NCEH1: variants seen among roughly 807,000 people sequenced by gnomAD.
NCEH1 encodes the protein 2-acetyl MAGE hydrolase.
Under a neutral mutation model 25.4 loss-of-function variants are expected in NCEH1, and 9 were observed. That is an observed-to-expected ratio of 0.35 (90% CI 0.21 to 0.62). The LOEUF (loss-of-function observed/expected upper bound fraction) is 0.62, where lower values mean the gene tolerates loss of function less well. Ranked by LOEUF, NCEH1 falls within the 20% of genes least tolerant of loss-of-function variation. The probability of loss-of-function intolerance (pLI) is 0.72; values close to 1 mark genes in which losing one functional copy is unlikely to be tolerated. For synonymous variants in NCEH1, 200 were observed against 199.8 expected, an observed-to-expected ratio of 1.00 and a Z score of -0.01; for missense variants, 412 against 501.1, an observed-to-expected ratio of 0.82 and a Z score of 1.70.
At chr3:172,643,241 T>C (rs910550470) in intron 3 of NCEH1, among the ~76,000 whole-genome samples, 1 of 152,048 alleles carries the variant, frequency 6.6e-6, no homozygotes, top group East Asian at 1.9e-4. Context: ...CGCCTGGCCT[T>C]TGCTTTGTTT....
chr3:172,677,614 C>A (rs947914342), intron 1 of NCEH1, among the ~76,000 whole-genome samples: 3 of 151,662 alleles, frequency 2.0e-5, no homozygotes, highest in African/African-American at 7.3e-5. Context: ...GATCATAAAG[C>A]CCTAAGTGAC....
chr3:172,631,616 G>C lies in NCEH1; in HGVS notation c.*1859C>G, dbSNP rs1716357833. 1 of 152,648 alleles carries C rather than the reference G, an allele frequency of 6.6e-6. No individual in the cohort carries two copies. The highest frequency in any genetic ancestry group is 2.1e-4 in the South Asian group (1 of 4,836). 9.5% of individuals were successfully genotyped at this position (152,648 alleles called of 1,614,324 possible). On this transcript the variant is annotated 3_prime_UTR_variant, in exon 5 of 5. Coordinates refer to ENST00000475381, the MANE Select transcript of NCEH1 (RefSeq NM_020792.6). ...GGAAGTGGCTTGCCTAAGTACATTA[G>C]CAAGTTAGCTTCAATGGTTATTTTT...
At chr3:172,641,483 C>T (rs965404668) in intron 3 of NCEH1, among the ~76,000 whole-genome samples, 3 of 152,150 alleles carry the variant, frequency 2.0e-5, no homozygotes, top group Admixed American at 6.6e-5. Context: ...AACCCCTGCC[C>T]ACCAGCTTCC....
intron 1 of NCEH1, among the ~76,000 whole-genome samples, chr3:172,649,541 T>G (rs1159699360): frequency 2.0e-5 from 3 of 152,240 alleles, no homozygotes; most frequent in Non-Finnish European, 4.4e-5. Context: ...CATGTGTACA[T>G]GCACATATGT....
Position 172,637,513 on chromosome 3 carries a change from G to A in NCEH1, c.438-1426C>T, listed in dbSNP as rs752559840. Among the ~76,000 whole-genome samples, 5 of 152,182 alleles carry A rather than the reference G, an allele frequency of 3.3e-5. 1 individual carries two copies. The highest frequency in any genetic ancestry group is 6.5e-5 in the Admixed American group (1 of 15,276). ...CACACCTGTAATCCCAGCACTTTGG[G>A]AGGCTGAGGCAGGTGGATCACTTGA... On this transcript the variant is annotated intron_variant, in intron 3 of 4. Coordinates refer to ENST00000475381, the MANE Select transcript of NCEH1 (RefSeq NM_020792.6).
intron 1 of NCEH1, among the ~76,000 whole-genome samples, chr3:172,657,754 C>G (rs1056100578): frequency 6.6e-6 from 1 of 152,226 alleles, no homozygotes; most frequent in Non-Finnish European, 1.5e-5. Context: ...TCTGGTCCCA[C>G]TCTACATTGG....
At chr3:172,671,596 T>C (rs1429280226) in intron 1 of NCEH1, among the ~76,000 whole-genome samples, 1 of 152,100 alleles carries the variant, frequency 6.6e-6, no homozygotes, top group Non-Finnish European at 1.5e-5. Flanking sequence ...TGTGTGTATA[T>C]ATATTTACAC....
chr3:172,710,714 A>G (rs1714250755), intron 1 of NCEH1, 133 bp downstream of exon 1: 1 of 941,302 alleles, frequency 1.1e-6, no homozygotes. Context: ...CGACTGGACC[A>G]CCTCAAAAAG....
intron 1 of NCEH1, 66 bp from the exon 2 acceptor site, chr3:172,648,180 T>C (rs781118842): frequency 5.1e-6 from 8 of 1,574,880 alleles, no homozygotes; most frequent in Non-Finnish European, 7.0e-6. Flanking sequence ...AGAGCTGCCC[T>C]CACCAACTGA....
At chr3:172,703,079 G>A (rs917807452) in intron 1 of NCEH1, 1 of 152,164 alleles carries the variant, frequency 6.6e-6, no homozygotes, top group African/African-American at 2.4e-5. Flanking sequence ...AGAAGTGGTA[G>A]ACAGTTCCCA....
chr3:172,694,998 G>T (rs1295890595), intron 1 of NCEH1, among the ~76,000 whole-genome samples: 1 of 152,174 alleles, frequency 6.6e-6, no homozygotes, highest in Non-Finnish European at 1.5e-5. Flanking sequence ...CTTGTGAATT[G>T]CTATATCCAA....
At chr3:172,664,801 G>A (rs1718129785) in intron 1 of NCEH1, among the ~76,000 whole-genome samples, 1 of 152,092 alleles carries the variant, frequency 6.6e-6, no homozygotes, top group South Asian at 2.1e-4. Context: ...ATGGTTTTCA[G>A]CTCCATCAGG....
At chr3:172,656,846 AT>A (rs1462530617) in intron 1 of NCEH1, among the ~76,000 whole-genome samples, 1 of 152,132 alleles carries the variant, frequency 6.6e-6, no homozygotes, top group Non-Finnish European at 1.5e-5. Context: ...CATATGTCTG[AT>A]GAAACTATCC....
At chr3:172,694,378 A>ATATATG (rs1553839159) in intron 1 of NCEH1, among the ~76,000 whole-genome samples, 53 of 151,350 alleles carry the variant, frequency 3.5e-4, no homozygotes, top group South Asian at 1.9e-3. Context: ...AGTTATATAT[A>ATATATG]TGTGTGTGTG....
intron 1 of NCEH1, among the ~76,000 whole-genome samples, chr3:172,696,532 G>A (rs1713384268): frequency 6.6e-6 from 1 of 152,120 alleles, no homozygotes; most frequent in Non-Finnish European, 1.5e-5. Context: ...CACATATTGT[G>A]CAATCTTCAT....
chr3:172,700,017 A>G (rs1314535242), intron 1 of NCEH1, among the ~76,000 whole-genome samples: 2 of 152,244 alleles, frequency 1.3e-5, no homozygotes, highest in Non-Finnish European at 2.9e-5. Flanking sequence ...ATGATAACAG[A>G]CATATATTTT....
Position 172,630,424 on chromosome 3 carries a change from T to G in NCEH1, c.*3051A>C, listed in dbSNP as rs962020459. ...AGTCCCAGGGCCTGCCTGGCTTTTA[T>G]GAATATTCTAGCCAGTCCAAAGGAG... On this transcript the variant is annotated 3_prime_UTR_variant, in exon 5 of 5. Transcript: ENST00000475381. 6.6e-6 allele frequency: 1 copy of G among 152,236 alleles called. No homozygotes were observed. Among genetic ancestry groups the G allele is most frequent in the Non-Finnish European group, 1.5e-5 (1 of 68,046 alleles). 9.4% of individuals were successfully genotyped at this position (152,236 alleles called of 1,614,324 possible). A position where few individuals can be genotyped will look rare whatever the true frequency, so the allele number is the denominator to read the frequency against.
At chr3:172,658,208 T>C (rs1044835674) in intron 1 of NCEH1, among the ~76,000 whole-genome samples, 3 of 152,130 alleles carry the variant, frequency 2.0e-5, no homozygotes, top group African/African-American at 7.2e-5. Flanking sequence ...CCATGACAGT[T>C]TACAAATGCC....
At chr3:172,696,649 T>G (rs767579899) in intron 1 of NCEH1, among the ~76,000 whole-genome samples, 1 of 152,198 alleles carries the variant, frequency 6.6e-6, no homozygotes, top group Non-Finnish European at 1.5e-5. Context: ...AAGCCGGGAT[T>G]TGAACACAAG....
Sources: allele counts gnomAD v4.1 joint callset (sites outside exome capture counted in the v4.1 genomes callset), GRCh38; gene constraint gnomAD v4.1.1; transcripts MANE v1.5; gene names NCBI Gene and HGNC (gene_info 2026-07-23, HGNC 2026-07-21).